The following RREB1 variants were observed in gnomAD, a reference collection of about 807,000 sequenced individuals.
RREB1 encodes the protein ras-responsive element-binding protein 1.
Under a neutral mutation model 117.8 loss-of-function variants are expected in RREB1, and 27 were observed. That is an observed-to-expected ratio of 0.23 (90% CI 0.17 to 0.32). The LOEUF is 0.32. Ranked by LOEUF, RREB1 falls within the 10% of genes least tolerant of loss-of-function variation. The probability of loss-of-function intolerance (pLI) is 1.00; values close to 1 mark genes in which losing one functional copy is unlikely to be tolerated. For missense variants in RREB1, 2,577 were observed against 2,378.2 expected, an observed-to-expected ratio of 1.08 and a Z score of -1.74; for synonymous variants, 1,298 against 1,026.7, an observed-to-expected ratio of 1.26 and a Z score of -5.05.
At chr6:7,207,137 T>G (rs1341278003) in intron 6 of RREB1, among the ~76,000 whole-genome samples, 1 of 152,226 alleles carries the variant, frequency 6.6e-6, no homozygotes, top group East Asian at 1.9e-4. Context: ...TAGGAATTCC[T>G]GCCATTGCTA....
chr6:7,130,136 A>G (rs1263026103), intron 1 of RREB1, among the ~76,000 whole-genome samples: 1 of 152,210 alleles, frequency 6.6e-6, no homozygotes, highest in Non-Finnish European at 1.5e-5. Flanking sequence ...AAAAGGAGAC[A>G]AGGAGTGCCT....
At chr6:7,212,772 C>T (rs1256729798) in intron 8 of RREB1, 1 of 152,058 alleles carries the variant, frequency 6.6e-6, no homozygotes, top group African/African-American at 2.4e-5. Context: ...TTAGCTGTGA[C>T]TTAGGAATGG....
chr6:7,184,405 G>C (rs997091838), intron 4 of RREB1: 1 of 132,654 alleles, frequency 7.5e-6, no homozygotes, highest in Non-Finnish European at 1.6e-5. Context: ...GTGATATCTG[G>C]CTTTTTTTTT....
At chr6:7,172,688 G>A (rs943232237) in intron 1 of RREB1, among the ~76,000 whole-genome samples, 1 of 141,862 alleles carries the variant, frequency 7.0e-6, no homozygotes, top group Non-Finnish European at 1.6e-5. Context: ...CGGGTTGCCG[G>A]TGTGGGGGGG....
intron 1 of RREB1, among the ~76,000 whole-genome samples, chr6:7,151,746 G>T: frequency 6.6e-6 from 1 of 152,234 alleles, no homozygotes; most frequent in East Asian, 1.9e-4. Context: ...TTGAGGCTAG[G>T]AGCAGAGATC....
intron 8 of RREB1, 129 bp downstream of exon 8, chr6:7,211,838 G>A: frequency 9.2e-6 from 9 of 983,602 alleles, no homozygotes; most frequent in South Asian, 1.6e-5. Flanking sequence ...TAGGGAGGCA[G>A]TTAAGAAAGT....
rs192043641 is a variant in RREB1, at chr6:7,113,418, T to C, written c.-285+5358T>C. ...GATACTTCTGGTGGTTTAATCACTT[T>C]AAAATTTTTCTTTTTCATTCAGATA... On this transcript the variant is annotated intron_variant, in intron 1 of 12. Coordinates refer to ENST00000379938, the MANE Select transcript of RREB1 (RefSeq NM_001003699.4). Among the ~76,000 whole-genome samples the C allele has an allele frequency of 3.9e-4, 59 of 152,382 alleles. 1 individual carries two copies. The highest frequency in any genetic ancestry group is 1.3e-3 in the African/African-American group (55 of 41,592).
intron 1 of RREB1, among the ~76,000 whole-genome samples, chr6:7,113,256 G>T (rs1273083989): frequency 1.3e-5 from 2 of 152,206 alleles, no homozygotes; most frequent in Admixed American, 6.5e-5. Flanking sequence ...GACAGCCAGA[G>T]TGAAGAGAAA....
In RREB1 at chr6:7,249,081, G is replaced by GAT. The variant is rs1450893699; in HGVS notation, c.*114_*115insTA. 1 of 759,912 alleles carries GAT rather than the reference G, an allele frequency of 1.3e-6. No homozygotes were observed. The highest frequency in any genetic ancestry group is 2.0e-6 in the Non-Finnish European group (1 of 491,786). 47.1% of individuals were successfully genotyped at this position (759,912 alleles called of 1,614,324 possible). ...GAGGAGTGAGAGAGAGAGAGAGAGA[G>GAT]AGAGAGAGAGAGAGAGAGAGAGACA... is the stretch of plus-strand genomic sequence containing the variant. On this transcript the variant is annotated 3_prime_UTR_variant, in exon 13 of 13. Coordinates refer to ENST00000379938, the MANE Select transcript of RREB1 (RefSeq NM_001003699.4).
chr6:7,211,962 C>T (rs901784770), intron 8 of RREB1: 4 of 486,636 alleles, frequency 8.2e-6, no homozygotes, highest in African/African-American at 7.8e-5. Flanking sequence ...GAGTAGTCAC[C>T]AGTGAGCCCC....
rs545717418 is a variant in RREB1 at position 7,232,835 on chromosome 6, C to T, written c.3808+928C>T. ...CAAACTTCTGGGCTCAAGCAGTTTT[C>T]TTGCCTCTTCCTCCCAAAGTGCTGG... On this transcript the variant is annotated intron_variant, in intron 10 of 12. Coordinates refer to ENST00000379938, the MANE Select transcript of RREB1 (RefSeq NM_001003699.4). 4.3e-5 allele frequency among the ~76,000 whole-genome samples: 6 copies of T among 138,160 alleles called. No individual in the cohort carries two copies. In the East Asian group the frequency reaches 1.3e-3, roughly 30 times the overall value. 90.6% of individuals were successfully genotyped at this position (138,160 alleles called of 152,430 possible).
At chr6:7,207,549 A>G (rs1004348769) in intron 6 of RREB1, among the ~76,000 whole-genome samples, 16 of 152,196 alleles carry the variant, frequency 1.1e-4, no homozygotes, top group Non-Finnish European at 1.9e-4. Flanking sequence ...AACACACCCA[A>G]TGGAACCCAC....
intron 8 of RREB1, 108 bp downstream of exon 8, chr6:7,211,817 CACA>C (rs1766627237): frequency 8.4e-6 from 10 of 1,187,764 alleles, no homozygotes; most frequent in East Asian, 2.5e-5. Flanking sequence ...TGAACTTGGG[CACA>C]ACAACATTAG....
intron 11 of RREB1, among the ~76,000 whole-genome samples, chr6:7,242,524 AGGGACTGAGATTTAAGT>A (rs1333483925): frequency 6.6e-6 from 1 of 152,210 alleles, no homozygotes; most frequent in Non-Finnish European, 1.5e-5. Flanking sequence ...TGGTGAGAAA[AGGGACTGAGATTTAAGT>A]GGGAGGGAAA....
intron 1 of RREB1, among the ~76,000 whole-genome samples, chr6:7,172,696 G>C (rs564663989): frequency 4.1e-5 from 6 of 147,122 alleles, no homozygotes; most frequent in Admixed American, 6.7e-5. Context: ...CGGTGTGGGG[G>C]GGTGGGGGTG....
intron 6 of RREB1, among the ~76,000 whole-genome samples, chr6:7,204,944 A>G (rs1006937959): frequency 6.6e-6 from 1 of 152,244 alleles, no homozygotes. Flanking sequence ...TTTTGCCCCC[A>G]AAAGAATTTT....
intron 1 of RREB1, among the ~76,000 whole-genome samples, chr6:7,131,732 G>T (rs1032024546): frequency 1.3e-5 from 2 of 152,174 alleles, no homozygotes; most frequent in African/African-American, 4.8e-5. Flanking sequence ...CAAAGTGGTA[G>T]GATTACAAGT....
At chr6:7,168,374 T>C (rs1023287312) in intron 1 of RREB1, among the ~76,000 whole-genome samples, 2 of 152,182 alleles carry the variant, frequency 1.3e-5, no homozygotes, top group Non-Finnish European at 2.9e-5. Context: ...GGACAAGTGT[T>C]ATGCAAGATA....
At position 7,246,994 on chromosome 6, in the gene RREB1, G is replaced by T; in HGVS notation, c.4544G>T (p.Gly1515Val). 1 of 1,597,616 alleles carries T rather than the reference G, an allele frequency of 6.3e-7. No individual in the cohort carries two copies. Among genetic ancestry groups the T allele is most frequent in the East Asian group, 2.3e-5 (1 of 43,754 alleles). ...AEVVESAPGAGEAPAEKLAEE... is the reference protein window; with the variant it reads ...AEVVESAPGAVEAPAEKLAEE... ...GTGGTGGAGTCGGCCCCGGGTGCCG[G>T]GGAGGCCCCGGCGGAAAAGCTCGCG... The change falls in exon 12 of 13, where the codon GGG (glycine) becomes GTG (valine). Residue 1515 changes from glycine to valine, a missense_variant. By Grantham distance (109) the Gly-to-Val change is moderately radical. Transcript: ENST00000379938.
Sources: gnomAD v4.1 joint callset for allele counts (sites outside exome capture counted in the v4.1 genomes callset) on GRCh38, gnomAD v4.1.1 for gene constraint, MANE v1.5 for transcripts, NCBI Gene and HGNC (gene_info 2026-07-23, HGNC 2026-07-21) for gene names.